The following MTMR2 variants were observed in gnomAD, a reference collection of about 807,000 sequenced individuals.
MTMR2 encodes myotubularin related protein 2.
A neutral mutation model predicts 86.9 loss-of-function variants in MTMR2; 55 were observed. The ratio of observed to expected loss-of-function variants is 0.63; its 90% CI spans 0.51 to 0.79. The LOEUF is 0.79. Among genes scored for constraint, MTMR2 ranks in the 30% least tolerant of loss-of-function variants. The pLI is 0.00. For synonymous variants in MTMR2, 241 were observed against 266.8 expected (o/e 0.90, Z 0.94); for missense variants, 659 against 772.3 (o/e 0.85, Z 1.74).
chr11:95,856,285 C>T (rs1393491700), intron 7 of MTMR2, among the ~76,000 whole-genome samples: 2 of 151,758 alleles, frequency 1.3e-5, no homozygotes, highest in African/African-American at 4.8e-5. Context: ...TTCAGTATAC[C>T]CTGCTGGACC....
In MTMR2 at chr11:95,924,025, C is replaced by G; in HGVS notation, c.-71G>C. The G allele has an allele frequency of 6.5e-7, 1 of 1,530,984 alleles. No individual in the cohort carries two copies. The highest frequency in any genetic ancestry group is 2.4e-5 in the East Asian group (1 of 40,832). The allele number at this position is 1,530,984 out of a possible 1,614,324, so 94.8% of individuals were successfully genotyped here. ...GCTACAGGGCGGGAGAAGCGGAGGGCGGAGTGCTACGGACCGGGGCCGCAG... is the reference window on the plus strand; with the variant it reads ...GCTACAGGGCGGGAGAAGCGGAGGGGGGAGTGCTACGGACCGGGGCCGCAG... On this transcript the variant is annotated 5_prime_UTR_variant, in exon 1 of 15. Coordinates refer to ENST00000346299, the MANE Select transcript of MTMR2 (RefSeq NM_016156.6).
At chr11:95,850,832 T>C (rs1455942951) in intron 7 of MTMR2, 83 bp from the exon 8 acceptor site, 2 of 1,267,724 alleles carry the variant, frequency 1.6e-6, no homozygotes, top group Non-Finnish European at 2.3e-6. Flanking sequence ...TCCTGTTCAA[T>C]CTCTCTGACC....
At chr11:95,916,195 G>T (rs1177011725) in intron 1 of MTMR2, among the ~76,000 whole-genome samples, 1 of 151,996 alleles carries the variant, frequency 6.6e-6, no homozygotes, top group Non-Finnish European at 1.5e-5. Context: ...TGTACCCAAG[G>T]GGAAAAGCTG....
chr11:95,859,715 TTTTA>T (rs1246915583), intron 5 of MTMR2, among the ~76,000 whole-genome samples: 6 of 152,198 alleles, frequency 3.9e-5, no homozygotes, highest in Non-Finnish European at 8.8e-5. Context: ...AGACTGATCA[TTTTA>T]TTTAAATGTT....
chr11:95,899,397 G>A (rs1482459216), intron 1 of MTMR2, among the ~76,000 whole-genome samples: 2 of 152,118 alleles, frequency 1.3e-5, no homozygotes, highest in Non-Finnish European at 2.9e-5. Flanking sequence ...AATTTTTTAA[G>A]ACTGAGGTGG....
At chr11:95,914,538 A>G (rs1866629736) in intron 1 of MTMR2, among the ~76,000 whole-genome samples, 1 of 152,144 alleles carries the variant, frequency 6.6e-6, no homozygotes, top group Non-Finnish European at 1.5e-5. Flanking sequence ...ATGAAATGAT[A>G]CTATCCTCTT....
At position 95,835,245 on chromosome 11, in the gene MTMR2, G is replaced by A. The variant is rs140864250; in HGVS notation, c.*45C>T. On this transcript the variant is annotated 3_prime_UTR_variant, in exon 15 of 15. Transcript: ENST00000346299. The stretch of plus-strand genomic sequence containing the variant: ...ACTTTCTACTCATAGAGCTGCCAGT[G>A]TAATCAAGAGTGTATAGCAATGATG... 107 of 1,594,960 alleles carry A rather than the reference G, an allele frequency of 6.7e-5. No individual in the cohort carries two copies. The African/African-American group carries it at 1.1e-3, about 16-fold the overall frequency.
intron 1 of MTMR2, among the ~76,000 whole-genome samples, chr11:95,914,509 C>T (rs995298574): frequency 6.6e-6 from 1 of 152,144 alleles, no homozygotes; most frequent in Non-Finnish European, 1.5e-5. Context: ...ATACTACCCT[C>T]TTAATCATCA....
intron 10 of MTMR2, among the ~76,000 whole-genome samples, chr11:95,845,882 T>TAAAAAAAAAAAAA (rs201863810): frequency 6.7e-5 from 6 of 90,074 alleles, no homozygotes; most frequent in African/African-American, 2.1e-4. Context: ...TATGGTATCT[T>TAAAAAAAAAAAAA]AAAAAAAAAA....
chr11:95,846,354 C>T (rs926808097), intron 10 of MTMR2, among the ~76,000 whole-genome samples: 3 of 152,140 alleles, frequency 2.0e-5, no homozygotes, highest in Admixed American at 2.0e-4. Context: ...GAACAAAGTT[C>T]CTGCTTACTG....
At chr11:95,878,592 T>G (rs1865209747) in intron 2 of MTMR2, among the ~76,000 whole-genome samples, 1 of 152,140 alleles carries the variant, frequency 6.6e-6, no homozygotes, top group Non-Finnish European at 1.5e-5. Context: ...GGTAACATAT[T>G]ATTCTATATA....
intron 10 of MTMR2, 62 bp from the exon 11 acceptor site, chr11:95,845,221 T>C: frequency 7.4e-7 from 1 of 1,360,496 alleles, no homozygotes; most frequent in Non-Finnish European, 1.0e-6. Context: ...TTCTTCAAAA[T>C]TTACTAATAC....
rs1042817186 is a variant in MTMR2 at position 95,923,771 on chromosome 11, C to G, written c.80+104G>C. The G allele has an allele frequency of 7.3e-6, 11 of 1,498,936 alleles. No individual in the cohort carries two copies. The Admixed American group carries it at 1.1e-4, about 15-fold the overall frequency. The allele number at this position is 1,498,936 out of a possible 1,614,324, so 92.9% of individuals were successfully genotyped here. ...TCCCGGGGAAGGAATTCCGGCGTAG[C>G]CTTCAGAAACCAGAATCCGCGAATT... On this transcript the variant is annotated intron_variant, in intron 1 of 14. Coordinates refer to ENST00000346299, the MANE Select transcript of MTMR2 (RefSeq NM_016156.6).
chr11:95,903,042 A>C (rs1866130471), intron 1 of MTMR2, among the ~76,000 whole-genome samples: 1 of 152,122 alleles, frequency 6.6e-6, no homozygotes, highest in Non-Finnish European at 1.5e-5. Flanking sequence ...AATTTACATA[A>C]ATGAGCATTT....
intron 1 of MTMR2, among the ~76,000 whole-genome samples, chr11:95,897,214 T>G (rs960500372): frequency 1.3e-5 from 2 of 152,124 alleles, no homozygotes; most frequent in Non-Finnish European, 2.9e-5. Flanking sequence ...ATGATCTCTT[T>G]TAGTTCTAAA....
At position 95,842,508 on chromosome 11, in the gene MTMR2, C is replaced by T. The variant is rs150586000; in HGVS notation, c.1387-799G>A. On this transcript the variant is annotated intron_variant, in intron 11 of 14. Transcript: ENST00000346299. ...CTGTCAAAAATGCTTGACATCCACC[C>T]TCCAAGCATGCAGTCATCTACCTAG... Among the ~76,000 whole-genome samples, 210 of 152,290 alleles carry T rather than the reference C, an allele frequency of 1.4e-3. 3 individuals carry two copies. Among genetic ancestry groups the T allele is most frequent in the Non-Finnish European group, 2.2e-3 (147 of 68,022 alleles).
At chr11:95,913,357 T>C (rs1032309603) in intron 1 of MTMR2, among the ~76,000 whole-genome samples, 1 of 152,170 alleles carries the variant, frequency 6.6e-6, no homozygotes, top group Non-Finnish European at 1.5e-5. Flanking sequence ...CCTGGCCCTC[T>C]AACATTTATT....
At chr11:95,923,603 G>A (rs750914005) in intron 1 of MTMR2, 3 of 1,234,820 alleles carry the variant, frequency 2.4e-6, no homozygotes, top group East Asian at 6.0e-5. Context: ...ACAGGAGAAA[G>A]TAATTAACTG....
chr11:95,910,102 C>A (rs915205862), intron 1 of MTMR2, among the ~76,000 whole-genome samples: 8 of 147,624 alleles, frequency 5.4e-5, no homozygotes, highest in Non-Finnish European at 1.1e-4. Context: ...AATATAAACA[C>A]ACACACACAC....
Sources: gnomAD v4.1 joint callset for allele counts (sites outside exome capture counted in the v4.1 genomes callset) on GRCh38, gnomAD v4.1.1 for gene constraint, MANE v1.5 for transcripts, NCBI Gene and HGNC (gene_info 2026-07-23, HGNC 2026-07-21) for gene names.